Variants in ARL16 observed in about 807,000 individuals in gnomAD.
ARL16 encodes the protein ARF like GTPase 16, also known as ADP-ribosylation factor-like protein 16.
A neutral mutation model predicts 14.1 loss-of-function variants in ARL16; 21 were observed. The observed-to-expected ratio is 1.48, with a 90% CI of 1.05 to 2.14. The LOEUF (loss-of-function observed/expected upper bound fraction) is 2.14, where lower values mean the gene tolerates loss of function less well. ARL16 is among the 30% of genes most tolerant of loss of function. ARL16 has a pLI of 0.00. For missense variants in ARL16, 248 were observed against 222.0 expected, an observed-to-expected ratio of 1.12 and a Z score of -0.74; for synonymous variants, 122 against 91.8, an observed-to-expected ratio of 1.33 and a Z score of -1.88.
chr17:81,682,247 T>C, intron 3 of ARL16, 98 bp from the exon 4 acceptor site: 1 of 813,078 alleles, frequency 1.2e-6, no homozygotes, highest in South Asian at 2.0e-5. Context: ...CTGCATTTTT[T>C]AATTAATTAA....
chr17:81,683,748 A>C lies in ARL16; in HGVS notation c.6T>G (p.Cys2Trp), dbSNP rs1279886327. 1.2e-6 allele frequency: 2 copies of C among 1,608,034 alleles called. No individual in the cohort carries two copies. Among genetic ancestry groups the C allele is most frequent in the South Asian group, 2.2e-5 (2 of 90,908 alleles). Residue 2 changes from cysteine (C) to tryptophan (W), a missense_variant, in exon 1 of 5, where the codon TGT becomes TGG. Transcript: ENST00000622299. ...CGACGCCCGTGGCCCCCAGCAGGAG[A>C]CACATTCCGTGCTTCGCTCCACCCG... M[C>W]LLLGATGVGK... is the part of the protein sequence containing the mutation.
At chr17:81,683,476 G>A in intron 2 of ARL16, 60 bp downstream of exon 2, 2 of 1,471,416 alleles carry the variant, frequency 1.4e-6, no homozygotes, top group Non-Finnish European at 9.0e-7. Context: ...GGAGCCCGGA[G>A]CTCTTCGCCA....
intron 2 of ARL16, 174 bp from the exon 3 acceptor site, chr17:81,683,300 G>T: frequency 1.2e-6 from 1 of 809,558 alleles, no homozygotes; most frequent in Non-Finnish European, 1.9e-6. Flanking sequence ...ACTCGCTGTG[G>T]GGGCGACCAG....
In ARL16 at chr17:81,683,604, G is replaced by T; in HGVS notation, c.62-10C>A. 6.2e-7 allele frequency: 1 copy of T among 1,600,172 alleles called. No individual in the cohort carries two copies. The highest frequency in any genetic ancestry group is 8.5e-7 in the Non-Finnish European group (1 of 1,175,662). The stretch of plus-strand genomic sequence containing the variant: ...TCCCGGGAGCTCACCTGTGCGAAGC[G>T]GTCAAGGACCCGAGCAGCTAAAGGG... On this transcript the variant is annotated splice_polypyrimidine_tract_variant and intron_variant, in intron 1 of 4. Coordinates refer to ENST00000622299, the MANE Select transcript of ARL16 (RefSeq NM_001040025.3).
In ARL16 at chr17:81,681,694, C is replaced by T; in HGVS notation, c.*14G>A. On this transcript the variant is annotated 3_prime_UTR_variant, in exon 5 of 5. Transcript: ENST00000622299. ...CTCTCCCCAGCTCAGGCCAGCTGCG[C>T]CTCTGCCGTGCAGTCAATCGTTGGC... 1 of 1,588,562 alleles carries T rather than the reference C, an allele frequency of 6.3e-7. No homozygotes were observed.
In ARL16 at chr17:81,683,598, C is replaced by T. The variant is rs751572069; in HGVS notation, c.62-4G>A. The T allele has an allele frequency of 4.4e-6, 7 of 1,603,140 alleles. No homozygotes were observed. The East Asian group carries it at 1.3e-4, about 31-fold the overall frequency. On this transcript the variant is annotated splice_region_variant and splice_polypyrimidine_tract_variant and intron_variant, in intron 1 of 4. Transcript: ENST00000622299. ...TTCCCATCCCGGGAGCTCACCTGTGCGAAGCGGTCAAGGACCCGAGCAGCT... is the reference window on the plus strand; with the variant it reads ...TTCCCATCCCGGGAGCTCACCTGTGTGAAGCGGTCAAGGACCCGAGCAGCT...
At chr17:81,683,308 C>T (rs2036894164) in intron 2 of ARL16, 182 bp from the exon 3 acceptor site, 1 of 816,982 alleles carries the variant, frequency 1.2e-6, no homozygotes, top group Admixed American at 3.0e-5. Flanking sequence ...TGGGGGCGAC[C>T]AGCCACAGGA....
Position 81,683,514 on chromosome 17 carries a change from A to G in ARL16, c.120+22T>C. 9 of 1,547,640 alleles carry G rather than the reference A, an allele frequency of 5.8e-6. 1 individual carries two copies. The South Asian group carries it at 9.9e-5, about 17-fold the overall frequency. ...CGCAGAACTGACCCCCCGCAACTCC[A>G]CCCGCGGGGGCGGACACCTACCGTG... is the stretch of plus-strand genomic sequence containing the variant. On this transcript the variant is annotated intron_variant, in intron 2 of 4. Coordinates refer to ENST00000622299, the MANE Select transcript of ARL16 (RefSeq NM_001040025.3).
chr17:81,683,734 G>GC lies in ARL16; in HGVS notation c.19dup (p.Ala7GlyfsTer41), dbSNP rs750978759. ...CAGCAGCGTCTTCCCGACGCCCGTGGCCCCCAGCAGGAGACACATTCCGTG... is the reference window on the plus strand; with the variant it reads ...CAGCAGCGTCTTCCCGACGCCCGTGGCCCCCCAGCAGGAGACACATTCCGTG... On this transcript the variant is annotated frameshift_variant, in exon 1 of 5. Transcript: ENST00000622299. LOFTEE classifies it high-confidence loss of function. The GC allele has an allele frequency of 5.6e-6, 9 of 1,607,738 alleles. No individual in the cohort carries two copies. Among genetic ancestry groups the GC allele is most frequent in the Middle Eastern group, 3.3e-4 (2 of 6,080 alleles).
chr17:81,682,852 G>A lies in ARL16; in HGVS notation c.234+161C>T, dbSNP rs1598739566. The A allele has an allele frequency of 1.8e-5, 12 of 657,528 alleles. No individual in the cohort carries two copies. In the East Asian group the frequency reaches 3.5e-4, roughly 19 times the overall value. The allele number at this position is 657,528 out of a possible 1,614,324, so 40.7% of individuals were successfully genotyped here. A position where few individuals can be genotyped will look rare whatever the true frequency, so the allele number is the denominator to read the frequency against. ...GCGCAAGCACCAGAAACCAGACAGG[G>A]TGCCCAGCAGGAAGCAACACTAGCT... On this transcript the variant is annotated intron_variant, in intron 3 of 4. Transcript: ENST00000622299.
chr17:81,682,681 C>G (rs1240978028), intron 3 of ARL16: 1 of 326,462 alleles, frequency 3.1e-6, no homozygotes, highest in East Asian at 7.0e-5. Context: ...CAGGCCTTAT[C>G]AAGATGAGAC....
chr17:81,681,933 G>A, intron 4 of ARL16, 54 bp from the exon 5 acceptor site: 1 of 1,574,260 alleles, frequency 6.4e-7, no homozygotes, highest in African/African-American at 1.3e-5. Context: ...ACCTGCCCCG[G>A]ACCCCCAGCT....
rs1372481496 is a variant in ARL16 at position 81,683,547 on chromosome 17, T to C, written c.109A>G (p.Thr37Ala). The C allele has an allele frequency of 6.3e-7, 1 of 1,596,592 alleles. No individual in the cohort carries two copies. Among genetic ancestry groups the C allele is most frequent in the South Asian group, 1.1e-5 (1 of 88,406 alleles). ...GKGDLGEPPP[T>A]RPTVGTNLTD... ...GGGCGGACACCTACCGTGGGCCGTG[T>C]CGGGGGCGGCTCCCCCAGGTCGCCT... is the stretch of plus-strand genomic sequence containing the variant. The change falls in exon 2 of 5, where the codon ACA becomes GCA. Residue 37 changes from threonine to alanine, a missense_variant. By Grantham distance (58) the Thr-to-Ala change is moderately conservative. Coordinates refer to ENST00000622299, the MANE Select transcript of ARL16 (RefSeq NM_001040025.3).
rs1177555474 is a variant in ARL16, at chr17:81,683,734, G to A, written c.20C>T (p.Ala7Val). The change falls in exon 1 of 5, where the codon GCC (alanine) becomes GTC (valine). Residue 7 changes from alanine to valine, a missense_variant. Coordinates refer to ENST00000622299, the MANE Select transcript of ARL16 (RefSeq NM_001040025.3). MCLLLG[A>V]TGVGKTLLVK... ...CAGCAGCGTCTTCCCGACGCCCGTG[G>A]CCCCCAGCAGGAGACACATTCCGTG... The A allele has an allele frequency of 3.7e-6, 6 of 1,607,738 alleles. No individual in the cohort carries two copies. The highest frequency in any genetic ancestry group is 1.7e-5 in the Admixed American group (1 of 59,546).
In ARL16 at chr17:81,683,585, G is replaced by C. The variant is rs2036903699; in HGVS notation, c.71C>G (p.Ser24Cys). 2 of 1,603,534 alleles carry C rather than the reference G, an allele frequency of 1.2e-6. No individual in the cohort carries two copies. Among genetic ancestry groups the C allele is most frequent in the African/African-American group, 1.3e-5 (1 of 74,164 alleles). ...CCCCAGGTCGCCTTTCCCATCCCGGGAGCTCACCTGTGCGAAGCGGTCAAG... is the reference window on the plus strand; with the variant it reads ...CCCCAGGTCGCCTTTCCCATCCCGGCAGCTCACCTGTGCGAAGCGGTCAAG... ...LLVKRLQEVS[S>C]RDGKGDLGEP... Residue 24 changes from serine (S) to cysteine (C), a missense_variant, in exon 2 of 5, where the codon TCC becomes TGC. Transcript: ENST00000622299.
Position 81,682,167 on chromosome 17 carries a change from G to A in ARL16, c.235-18C>T. The A allele has an allele frequency of 6.3e-7, 1 of 1,576,470 alleles. No individual in the cohort carries two copies. The highest frequency in any genetic ancestry group is 8.6e-7 in the Non-Finnish European group (1 of 1,159,400). On this transcript the variant is annotated intron_variant, in intron 3 of 4. Transcript: ENST00000622299. ...ATCACAAACTGGGGAAAAAGAAAAA[G>A]ACAGCAGCAATGCCCCGCTGCCAAA...
intron 1 of ARL16, 25 bp downstream of exon 1, chr17:81,683,668 G>A: frequency 6.3e-7 from 1 of 1,594,328 alleles, no homozygotes; most frequent in Non-Finnish European, 8.5e-7. Context: ...CCGCGCCCCG[G>A]TCCCGTCCCC....
Position 81,682,805 on chromosome 17 carries a change from A to G in ARL16, c.234+208T>C, listed in dbSNP as rs139141711. On this transcript the variant is annotated intron_variant, in intron 3 of 4. Coordinates refer to ENST00000622299, the MANE Select transcript of ARL16 (RefSeq NM_001040025.3). ...CCCTGCCCTCAGCAAGCCCTCTGTG[A>G]GCTCCTACCGGGGGCCTGGGAGCGC... The G allele has an allele frequency of 9.8e-3, 5,751 of 584,848 alleles. 51 individuals carry two copies. Among genetic ancestry groups the G allele is most frequent in the Middle Eastern group, 0.024 (52 of 2,208 alleles). The allele number at this position is 584,848 out of a possible 1,614,324, so 36.2% of individuals were successfully genotyped here.
chr17:81,682,707 A>T, intron 3 of ARL16: 1 of 399,502 alleles, frequency 2.5e-6, no homozygotes, highest in Non-Finnish European at 4.5e-6. Context: ...AGAGGTACGT[A>T]TAAGTCCAAC....
Sources: gnomAD v4.1 joint callset for allele counts on GRCh38, gnomAD v4.1.1 for gene constraint, MANE v1.5 for transcripts, NCBI Gene and HGNC (gene_info 2026-07-23, HGNC 2026-07-21) for gene names.